Variants in LRRC37A2 observed in about 807,000 individuals in gnomAD.
LRRC37A2 encodes leucine-rich repeat-containing protein 37A2.
In LRRC37A2, 9 loss-of-function variants were observed where a neutral mutation model predicts 68.8. That is an observed-to-expected ratio of 0.13 (90% CI 0.08 to 0.23). The LOEUF is 0.23. Among genes scored for constraint, LRRC37A2 ranks in the 10% least tolerant of loss-of-function variants. The probability of loss-of-function intolerance (pLI) is 1.00; values close to 1 mark genes in which losing one functional copy is unlikely to be tolerated. For missense variants in LRRC37A2, 168 were observed against 950.4 expected (o/e 0.18, Z 10.82); for synonymous variants, 63 against 367.6 (o/e 0.17, Z 9.48).
the LRRC37A2 span, among the ~76,000 whole-genome samples, chr17:46,714,837 A>G: frequency 6.6e-6 from 1 of 152,212 alleles, no homozygotes; most frequent in East Asian, 1.9e-4. Context: ...CGTAAGTCCA[A>G]GAGATGTGGG....
chr17:46,886,375 T>A, the LRRC37A2 span: 6 of 152,214 alleles, frequency 3.9e-5, no homozygotes, highest in African/African-American at 1.2e-4. Flanking sequence ...ATAAATAAAA[T>A]TTGTAGGAGG....
At chr17:46,852,839 T>C in the LRRC37A2 span, among the ~76,000 whole-genome samples, 1 of 152,038 alleles carries the variant, frequency 6.6e-6, no homozygotes, top group Non-Finnish European at 1.5e-5. Context: ...GAGAGGTATG[T>C]AAAGGTCTGA....
chr17:46,982,801 G>T, the LRRC37A2 span, among the ~76,000 whole-genome samples: 1 of 152,298 alleles, frequency 6.6e-6, no homozygotes, highest in South Asian at 2.1e-4. Context: ...GCAAGCAAAG[G>T]CTGTTTATTC....
the LRRC37A2 span, chr17:47,017,364 G>A: frequency 1.3e-6 from 2 of 1,563,340 alleles, no homozygotes; most frequent in Non-Finnish European, 1.8e-6. Flanking sequence ...GGGGCCGCCT[G>A]AGCCCTGGTC....
At chr17:46,770,880 G>C in the LRRC37A2 span, among the ~76,000 whole-genome samples, 1 of 152,224 alleles carries the variant, frequency 6.6e-6, no homozygotes, top group South Asian at 2.1e-4. Flanking sequence ...GGACATTGAC[G>C]ATTAGGGAGG....
chr17:46,842,983 C>T, the LRRC37A2 span, among the ~76,000 whole-genome samples: 1 of 152,158 alleles, frequency 6.6e-6, no homozygotes, highest in Admixed American at 6.5e-5. Context: ...TAAGTTAGGA[C>T]CCAGGGTTCT....
In LRRC37A2 at chr17:46,548,731, GA is replaced by G. The variant is rs2056460134; in HGVS notation, c.3593del (p.Glu1198GlyfsTer29). On this transcript the variant is annotated frameshift_variant, in exon 10 of 15. Transcript: ENST00000576629. LOFTEE classifies it high-confidence loss of function. ...GGAACAGGGTGCCCAGGCATCTGTG[GA>G]GAACGCTGCCGAAGAAAAAAGGCTC... is the stretch of plus-strand genomic sequence containing the variant. 1 of 1,609,892 alleles carries G rather than the reference GA, an allele frequency of 6.2e-7. No homozygotes were observed. Among genetic ancestry groups the G allele is most frequent in the African/African-American group, 1.4e-5 (1 of 72,950 alleles).
chr17:46,987,254 T>C, the LRRC37A2 span, among the ~76,000 whole-genome samples: 3 of 151,036 alleles, frequency 2.0e-5, no homozygotes, highest in East Asian at 2.0e-4. Flanking sequence ...AAAATAACAA[T>C]AATAATAATA....
the LRRC37A2 span, among the ~76,000 whole-genome samples, chr17:46,769,482 G>A: frequency 2.6e-5 from 4 of 152,154 alleles, no homozygotes; most frequent in Non-Finnish European, 5.9e-5. Context: ...GGACTTGACA[G>A]CCCTACACCG....
the LRRC37A2 span, among the ~76,000 whole-genome samples, chr17:46,780,194 G>A: frequency 2.0e-5 from 3 of 152,210 alleles, no homozygotes; most frequent in Non-Finnish European, 4.4e-5. Context: ...CTGACACTGG[G>A]GTTGTTGGCC....
chr17:46,767,942 C>A, the LRRC37A2 span, among the ~76,000 whole-genome samples: 1 of 152,154 alleles, frequency 6.6e-6, no homozygotes, highest in Admixed American at 6.5e-5. Context: ...GCACCTGCCA[C>A]AACGCCCGGC....
the LRRC37A2 span, among the ~76,000 whole-genome samples, chr17:46,919,438 A>C: frequency 1.3e-5 from 2 of 152,180 alleles, no homozygotes; most frequent in Admixed American, 1.3e-4. Flanking sequence ...ATAAAGACTT[A>C]AGAGACTGAG....
chr17:46,940,102 C>T, the LRRC37A2 span: 1 of 1,164,002 alleles, frequency 8.6e-7, no homozygotes, highest in Non-Finnish European at 1.1e-6. Flanking sequence ...CCCTTCCTTT[C>T]TGTGTTCCTC....
chr17:46,769,879 G>A, the LRRC37A2 span: 6 of 1,613,640 alleles, frequency 3.7e-6, no homozygotes, highest in South Asian at 3.3e-5. Context: ...CTAACACGCC[G>A]AAGTCAGCGT....
the LRRC37A2 span, among the ~76,000 whole-genome samples, chr17:46,438,348 A>T: frequency 2.5e-5 from 2 of 81,202 alleles, no homozygotes; most frequent in African/African-American, 7.0e-5. Context: ...TTTAAAAAAA[A>T]AAAAAAGGAA....
At chr17:46,979,002 G>C in the LRRC37A2 span, 1 of 1,411,334 alleles carries the variant, frequency 7.1e-7, no homozygotes. Context: ...GGAAGGTCGC[G>C]TTCATCGCCG....
At chr17:46,869,138 G>A in the LRRC37A2 span, among the ~76,000 whole-genome samples, 4 of 152,164 alleles carry the variant, frequency 2.6e-5, no homozygotes, top group South Asian at 2.1e-4. Context: ...ACCAGGGCCC[G>A]GTGTGGCCTG....
At chr17:46,747,702 G>A in the LRRC37A2 span, among the ~76,000 whole-genome samples, 3 of 152,164 alleles carry the variant, frequency 2.0e-5, no homozygotes, top group African/African-American at 7.2e-5. Context: ...AGATAAAATT[G>A]ATACTAACCT....
chr17:46,673,910 GGTGTGT>G, the LRRC37A2 span, among the ~76,000 whole-genome samples: 29 of 6,990 alleles, frequency 4.1e-3, 9 homozygotes, highest in African/African-American at 6.5e-3. Flanking sequence ...ATTCCATGGG[GGTGTGT>G]GTGTGTGTGT....
Sources: gnomAD v4.1 joint callset for allele counts (sites outside exome capture counted in the v4.1 genomes callset) on GRCh38, gnomAD v4.1.1 for gene constraint, MANE v1.5 for transcripts, NCBI Gene and HGNC (gene_info 2026-07-23, HGNC 2026-07-21) for gene names.